TSPAN18: variants seen among roughly 807,000 people sequenced by gnomAD.
TSPAN18 encodes the protein tetraspanin 18.
In TSPAN18, 14 loss-of-function variants were observed where a neutral mutation model predicts 27.3. The ratio of observed to expected loss-of-function variants is 0.51; its 90% CI spans 0.34 to 0.80. TSPAN18 has a LOEUF of 0.80. Among genes scored for constraint, TSPAN18 ranks in the 30% least tolerant of loss-of-function variants. TSPAN18 has a pLI of 0.01. For synonymous variants in TSPAN18, 143 were observed against 136.5 expected (o/e 1.05, Z -0.33); for missense variants, 268 against 323.9 (o/e 0.83, Z 1.32).
chr11:44,897,656 G>A, intron 3 of TSPAN18: 1 of 711,458 alleles, frequency 1.4e-6, no homozygotes, highest in Non-Finnish European at 2.1e-6. Flanking sequence ...CCGAGTGTGT[G>A]TATCTGGAGG....
intron 1 of TSPAN18, among the ~76,000 whole-genome samples, chr11:44,734,893 G>T (rs1215798860): frequency 6.6e-6 from 1 of 152,220 alleles, no homozygotes; most frequent in Admixed American, 6.5e-5. Context: ...TCCCCCAGCA[G>T]GGCAGGCCCA....
In TSPAN18 at chr11:44,919,287, C is replaced by A; in HGVS notation, c.407C>A (p.Ala136Asp). 1.2e-6 allele frequency: 2 copies of A among 1,614,080 alleles called. No individual in the cohort carries two copies. Among genetic ancestry groups the A allele is most frequent in the South Asian group, 2.2e-5 (2 of 91,084 alleles). The part of the protein sequence containing the change: ...QGNNDTDVFS[A>D]TWNSVMITFG... ...AATAACGACACAGACGTCTTCTCTG[C>A]CACCTGGAACTCGGTCATGATCACA... Residue 136 changes from alanine to aspartate, a missense_variant, in exon 7 of 10, where the codon GCC becomes GAC. By Grantham distance (126) the Ala-to-Asp change is moderately radical. Transcript: ENST00000520358.
intron 2 of TSPAN18, among the ~76,000 whole-genome samples, chr11:44,808,959 A>G (rs981288726): frequency 5.9e-5 from 9 of 152,154 alleles, no homozygotes; most frequent in African/African-American, 1.9e-4. Flanking sequence ...CCCCCTCGGA[A>G]ATCATGGTAA....
At chr11:44,766,424 C>T (rs1185677298) in intron 2 of TSPAN18, among the ~76,000 whole-genome samples, 6 of 152,170 alleles carry the variant, frequency 3.9e-5, no homozygotes, top group African/African-American at 1.2e-4. Context: ...CCACAGGAAG[C>T]GGTTGCCTTA....
At chr11:44,850,142 C>G (rs1028028971) in intron 2 of TSPAN18, among the ~76,000 whole-genome samples, 2 of 152,180 alleles carry the variant, frequency 1.3e-5, no homozygotes, top group African/African-American at 4.8e-5. Context: ...TGAAGCCGCT[C>G]CTGCTCCCCA....
At chr11:44,920,754 T>C (rs532386137) in intron 8 of TSPAN18, among the ~76,000 whole-genome samples, 1 of 152,168 alleles carries the variant, frequency 6.6e-6, no homozygotes, top group African/African-American at 2.4e-5. Context: ...AGTAGGACTT[T>C]AACGAGGGTC....
At chr11:44,784,108 G>C (rs545425380) in intron 2 of TSPAN18, among the ~76,000 whole-genome samples, 5 of 152,122 alleles carry the variant, frequency 3.3e-5, no homozygotes, top group Non-Finnish European at 5.9e-5. Context: ...CCTTGACTTG[G>C]GGGTAAAATG....
chr11:44,899,746 G>T (rs1306354302), intron 3 of TSPAN18, among the ~76,000 whole-genome samples: 1 of 152,212 alleles, frequency 6.6e-6, no homozygotes, highest in African/African-American at 2.4e-5. Context: ...GGCCTGGAAA[G>T]GTTATGTAGT....
chr11:44,853,754 C>T (rs1857660263), intron 2 of TSPAN18, among the ~76,000 whole-genome samples: 1 of 152,142 alleles, frequency 6.6e-6, no homozygotes, highest in Non-Finnish European at 1.5e-5. Flanking sequence ...CATGCATTTC[C>T]AAGAGGAAGC....
chr11:44,908,758 G>GGAAAGAAAGAA (rs1564992150), intron 4 of TSPAN18, among the ~76,000 whole-genome samples: 2 of 61,900 alleles, frequency 3.2e-5, no homozygotes, highest in Admixed American at 1.7e-4. Context: ...GAGAGAGAGA[G>GGAAAGAAAGAA]AGAGAGAAAG....
rs768778203 is a variant in TSPAN18, at chr11:44,929,533, G to A, written c.*355G>A. 3.0e-5 allele frequency: 8 copies of A among 265,650 alleles called. No individual in the cohort carries two copies. The highest frequency in any genetic ancestry group is 5.1e-5 in the Admixed American group (1 of 19,462). The allele number at this position is 265,650 out of a possible 1,614,324, so 16.5% of individuals were successfully genotyped here. Reference sequence around the variant, plus strand: ...CTCTCTCCTCACTGCACCAGGACCTGATGCCAAGAAAGTGAGGATTTAGGC... The same window carrying A: ...CTCTCTCCTCACTGCACCAGGACCTAATGCCAAGAAAGTGAGGATTTAGGC... On this transcript the variant is annotated 3_prime_UTR_variant, in exon 10 of 10. Transcript: ENST00000520358.
intron 3 of TSPAN18, among the ~76,000 whole-genome samples, chr11:44,890,019 G>T (rs6485582): frequency 0.97 from 148,054 of 152,306 alleles, 72,099 homozygotes; most frequent in East Asian, 1. Flanking sequence ...CCACAGGCTC[G>T]TTCCATGGAG....
At chr11:44,786,350 G>T (rs1856056658) in intron 2 of TSPAN18, among the ~76,000 whole-genome samples, 1 of 152,222 alleles carries the variant, frequency 6.6e-6, no homozygotes, top group Non-Finnish European at 1.5e-5. Flanking sequence ...GGAGGGGCCA[G>T]ATGGGCTTCT....
chr11:44,877,108 G>A (rs1223231827), intron 3 of TSPAN18, among the ~76,000 whole-genome samples: 2 of 152,244 alleles, frequency 1.3e-5, no homozygotes, highest in Non-Finnish European at 2.9e-5. Flanking sequence ...ATGCACTGCC[G>A]CTTCTGGAAG....
intron 4 of TSPAN18, 127 bp from the exon 5 acceptor site, chr11:44,909,578 C>A: frequency 1.1e-6 from 1 of 940,826 alleles, no homozygotes; most frequent in African/African-American, 1.6e-5. Flanking sequence ...CAGGTGAATT[C>A]CTGCCTGGCT....
intron 1 of TSPAN18, among the ~76,000 whole-genome samples, chr11:44,749,598 C>G (rs889946708): frequency 4.0e-5 from 6 of 149,200 alleles, no homozygotes; most frequent in Non-Finnish European, 5.9e-5. Context: ...CAGTGGTATT[C>G]AACTTTACTT....
Position 44,929,833 on chromosome 11 carries a change from A to G in TSPAN18, c.*655A>G, listed in dbSNP as rs147455424. On this transcript the variant is annotated 3_prime_UTR_variant, in exon 10 of 10. Transcript: ENST00000520358. ...CAGTGACCATCCACAGACACACAGC[A>G]CAGGCGTGACAGTTCTGAAAAGAAG... 6.5e-6 allele frequency: 1 copy of G among 152,712 alleles called. No homozygotes were observed. Among genetic ancestry groups the G allele is most frequent in the African/African-American group, 2.4e-5 (1 of 41,558 alleles). 9.5% of individuals were successfully genotyped at this position (152,712 alleles called of 1,614,324 possible).
chr11:44,928,834 A>C (rs990056815), intron 9 of TSPAN18, among the ~76,000 whole-genome samples: 7 of 152,194 alleles, frequency 4.6e-5, no homozygotes, highest in African/African-American at 1.7e-4. Context: ...CTCTGGATAC[A>C]TACTCAGGCC....
At position 44,826,198 on chromosome 11, in the gene TSPAN18, G is replaced by A. The variant is rs557243990; in HGVS notation, c.-152-34130G>A. On this transcript the variant is annotated intron_variant, in intron 2 of 9. Coordinates refer to ENST00000520358, the MANE Select transcript of TSPAN18 (RefSeq NM_130783.5). ...AGCACTTTGGGAGGCTGAGGTGGGC[G>A]GATCACCTGAGATTAGGAGTTCAAG... Among the ~76,000 whole-genome samples the A allele has an allele frequency of 1.6e-4, 25 of 152,310 alleles. No individual in the cohort carries two copies. In the East Asian group the frequency reaches 1.7e-3, roughly 11 times the overall value.
Sources: gnomAD v4.1 joint callset for allele counts (sites outside exome capture counted in the v4.1 genomes callset) on GRCh38, gnomAD v4.1.1 for gene constraint, MANE v1.5 for transcripts, NCBI Gene and HGNC (gene_info 2026-07-23, HGNC 2026-07-21) for gene names.